EXD2: variants seen among roughly 807,000 people sequenced by gnomAD.
EXD2 encodes the protein exonuclease 3'-5' domain containing 2, also known as exonuclease 3'-5' domain-containing protein 2.
A neutral mutation model predicts 62.5 loss-of-function variants in EXD2; 40 were observed. That is an observed-to-expected ratio of 0.64 (90% CI 0.50 to 0.83). EXD2 has a LOEUF of 0.83. Ranked by LOEUF, EXD2 falls within the 40% of genes least tolerant of loss-of-function variation. EXD2 has a pLI of 0.00. For missense variants in EXD2, 671 were observed against 761.8 expected, an observed-to-expected ratio of 0.88 and a Z score of 1.40; for synonymous variants, 239 against 291.9, an observed-to-expected ratio of 0.82 and a Z score of 1.85.
At chr14:69,220,175 C>T (rs2043119660) in intron 3 of EXD2, among the ~76,000 whole-genome samples, 1 of 150,382 alleles carries the variant, frequency 6.6e-6, no homozygotes, top group African/African-American at 2.5e-5. Context: ...TGTCTGGCGC[C>T]TGCACCTGGG....
At chr14:69,217,210 A>C (rs78702590) in intron 3 of EXD2, among the ~76,000 whole-genome samples, 3 of 152,278 alleles carry the variant, frequency 2.0e-5, no homozygotes, top group East Asian at 3.9e-4. Flanking sequence ...ACACTACCAC[A>C]ACTGGCTAAT....
At position 69,209,687 on chromosome 14, in the gene EXD2, C is replaced by G. The variant is rs1215796570; in HGVS notation, c.217C>G (p.Arg73Gly). Residue 73 changes from arginine (R) to glycine (G), a missense_variant, in exon 3 of 10, where the codon CGG (arginine) becomes GGG (glycine). Transcript: ENST00000685843. ...SSAPRSSWKE[R>G]ILKAKVVTVS... ...TGCCCCCAGATCCTCGTGGAAGGAA[C>G]GGATCCTTAAAGCAAAGGTGGTGAC... is the stretch of plus-strand genomic sequence containing the variant. The G allele has an allele frequency of 3.9e-6, 6 of 1,550,490 alleles. No individual in the cohort carries two copies. In the East Asian group the frequency reaches 1.5e-4, roughly 38 times the overall value.
chr14:69,208,303 C>T (rs1029929280), intron 2 of EXD2, among the ~76,000 whole-genome samples: 2 of 151,332 alleles, frequency 1.3e-5, no homozygotes, highest in African/African-American at 2.4e-5. Flanking sequence ...CTCCGCCTCC[C>T]GGGTTCATAC....
At chr14:69,228,571 G>C (rs1300615045) in intron 3 of EXD2, among the ~76,000 whole-genome samples, 1 of 152,066 alleles carries the variant, frequency 6.6e-6, no homozygotes, top group East Asian at 1.9e-4. Flanking sequence ...GCTGGTCGCT[G>C]TTTATGGACT....
chr14:69,213,537 A>G (rs559490570), intron 3 of EXD2, among the ~76,000 whole-genome samples: 2 of 76,538 alleles, frequency 2.6e-5, no homozygotes, highest in Non-Finnish European at 2.3e-5. Context: ...CACCTGGATA[A>G]TTTTTTTTTT....
rs550412308 is a variant in EXD2 at position 69,201,775 on chromosome 14, C to T, written c.-131-2142C>T. Among the ~76,000 whole-genome samples, 19 of 149,496 alleles carry T rather than the reference C, an allele frequency of 1.3e-4. No homozygotes were observed. The East Asian group carries it at 2.4e-3, about 19-fold the overall frequency. On this transcript the variant is annotated intron_variant, in intron 1 of 9. Transcript: ENST00000685843. ...TCGGCTTACTGCAAGCTCCGCCTCC[C>T]GGGTTCAAGCGATTCTTCTGCCTCA...
In EXD2 at chr14:69,237,644, T is replaced by C. The variant is rs200723980; in HGVS notation, c.1362T>C (p.Asp454=). The change falls in exon 9 of 10, where the codon GAT becomes GAC. Residue 454 remains aspartate, a synonymous_variant. Transcript: ENST00000685843. ...AGATGAAGGACCACAACTCCCACGA[T>C]GTGCTGCTGCTCTGCACCTCCTGCC... ...PIEMKDHNSH[D]VLLLCTSCHA... is the part of the protein sequence containing the mutation. The C allele has an allele frequency of 4.2e-5, 68 of 1,614,162 alleles. No homozygotes were observed. The East Asian group carries it at 1.4e-3, about 34-fold the overall frequency.
rs1249097809 is a variant in EXD2, at chr14:69,241,770, A to ACAT, written c.*671_*673dup. The ACAT allele has an allele frequency of 2.5e-6, 1 of 398,264 alleles. No homozygotes were observed. Among genetic ancestry groups the ACAT allele is most frequent in the African/African-American group, 2.1e-5 (1 of 48,600 alleles). The allele number at this position is 398,264 out of a possible 1,614,324, so 24.7% of individuals were successfully genotyped here. A position where few individuals can be genotyped will look rare whatever the true frequency, so the allele number is the denominator to read the frequency against. On this transcript the variant is annotated 3_prime_UTR_variant, in exon 10 of 10. Transcript: ENST00000685843. Reference sequence around the variant, plus strand: ...ATCACTGGGAGAAATCCTTTTCTGGACATGAGCCTTTGACCTGGGTGGGGC... The same window carrying ACAT: ...ATCACTGGGAGAAATCCTTTTCTGGACATCATGAGCCTTTGACCTGGGTGGGGC...
Position 69,242,178 on chromosome 14 carries a change from C to T in EXD2, c.*1078C>T, listed in dbSNP as rs572329975. ...TAGGCCATTACTTTGAGTATAAAAT[C>T]GACTTATTAATGATTAGTAATTTTT... On this transcript the variant is annotated 3_prime_UTR_variant, in exon 10 of 10. Transcript: ENST00000685843. The T allele has an allele frequency of 1.5e-5, 6 of 397,172 alleles. No homozygotes were observed. The highest frequency in any genetic ancestry group is 7.1e-5 in the East Asian group (2 of 27,984). 24.6% of individuals were successfully genotyped at this position (397,172 alleles called of 1,614,324 possible).
rs142307256 is a variant in EXD2 at position 69,196,489 on chromosome 14, C to T, written c.-132+4898C>T. ...TTAGTACGGACATGTGTTTTCATTT[C>T]CCTTGGGTATATACCTGCCAGTGGC... On this transcript the variant is annotated intron_variant, in intron 1 of 9. Transcript: ENST00000685843. Among the ~76,000 whole-genome samples, 709 of 152,278 alleles carry T rather than the reference C, an allele frequency of 4.7e-3. 1 individual carries two copies. Among genetic ancestry groups the T allele is most frequent in the African/African-American group, 0.014 (583 of 41,552 alleles).
At chr14:69,205,134 A>G (rs568249472) in intron 2 of EXD2, among the ~76,000 whole-genome samples, 2 of 152,326 alleles carry the variant, frequency 1.3e-5, no homozygotes, top group East Asian at 3.9e-4. Flanking sequence ...CCCCCTTCAT[A>G]CATTCCAAAT....
intron 3 of EXD2, among the ~76,000 whole-genome samples, chr14:69,216,717 T>TTTAA (rs1437256398): frequency 2.6e-5 from 4 of 152,210 alleles, no homozygotes; most frequent in Non-Finnish European, 5.9e-5. Context: ...ATTGAAGGGT[T>TTTAA]TTAAAAAATT....
intron 1 of EXD2, among the ~76,000 whole-genome samples, chr14:69,192,403 T>G (rs1451131639): frequency 6.6e-6 from 1 of 152,174 alleles, no homozygotes; most frequent in African/African-American, 2.4e-5. Context: ...TGGATTAAAT[T>G]TGGTCAAGTT....
In EXD2 at chr14:69,234,904, G is replaced by A. The variant is rs766129898; in HGVS notation, c.922G>A (p.Ala308Thr). ...SRLGEEVNGE[A>T]TESQQKPRNK... ...ATTGGGAGAAGAGGTTAATGGGGAA[G>A]CAACAGAATCTCAGCAGAAGCCAAG... Residue 308 changes from alanine (A) to threonine (T), a missense_variant, in exon 6 of 10, where the codon GCA (alanine) becomes ACA (threonine). Transcript: ENST00000685843. 4 of 1,614,202 alleles carry A rather than the reference G, an allele frequency of 2.5e-6. No homozygotes were observed. In the South Asian group the frequency reaches 4.4e-5, roughly 18 times the overall value.
intron 5 of EXD2, 46 bp from the exon 6 acceptor site, chr14:69,234,654 C>G: frequency 1.3e-6 from 2 of 1,501,706 alleles, no homozygotes; most frequent in Non-Finnish European, 1.8e-6. Flanking sequence ...GTTTTTCTCT[C>G]TGGTTTGCCT....
rs1422586126 is a variant in EXD2, at chr14:69,241,120, T to A, written c.*20T>A. On this transcript the variant is annotated 3_prime_UTR_variant, in exon 10 of 10. Transcript: ENST00000685843. Reference sequence around the variant, plus strand: ...TCTTGATAGCTGCTTTCCTCCCAGTTAGGACAAGTGGGAAGCTGGAGCCAA... The same window carrying A: ...TCTTGATAGCTGCTTTCCTCCCAGTAAGGACAAGTGGGAAGCTGGAGCCAA... 1.0e-5 allele frequency: 16 copies of A among 1,607,494 alleles called. No individual in the cohort carries two copies. Among genetic ancestry groups the A allele is most frequent in the Non-Finnish European group, 1.3e-5 (15 of 1,177,034 alleles).
At chr14:69,218,274 T>A (rs1227618949) in intron 3 of EXD2, among the ~76,000 whole-genome samples, 1 of 152,214 alleles carries the variant, frequency 6.6e-6, no homozygotes, top group Non-Finnish European at 1.5e-5. Context: ...TTTGCATTTC[T>A]CTGATGGCCC....
At chr14:69,210,012 CA>C in intron 3 of EXD2, 3 of 429,476 alleles carry the variant, frequency 7.0e-6, no homozygotes, top group Non-Finnish European at 1.2e-5. Flanking sequence ...ACAATTATGT[CA>C]AACCTATATG....
Position 69,225,238 on chromosome 14 carries a change from A to G in EXD2, c.334-3578A>G, listed in dbSNP as rs571439410. Among the ~76,000 whole-genome samples the G allele has an allele frequency of 3.9e-5, 6 of 152,352 alleles. No individual in the cohort carries two copies. The East Asian group carries it at 9.6e-4, about 24-fold the overall frequency. On this transcript the variant is annotated intron_variant, in intron 3 of 9. Coordinates refer to ENST00000685843, the MANE Select transcript of EXD2 (RefSeq NM_001193360.2). ...CATTAGTTAACCTGTTCCAGCCCAG[A>G]AGATGGTCCCATGTCATTCTTTACT...
Sources: allele counts gnomAD v4.1 joint callset (sites outside exome capture counted in the v4.1 genomes callset), GRCh38; gene constraint gnomAD v4.1.1; transcripts MANE v1.5; gene names NCBI Gene and HGNC (gene_info 2026-07-23, HGNC 2026-07-21).